NRG1: variants seen among roughly 807,000 people sequenced by gnomAD.
NRG1 encodes the protein pro-neuregulin-1, membrane-bound isoform.
Under a neutral mutation model 63.8 loss-of-function variants are expected in NRG1, and 18 were observed. The ratio of observed to expected loss-of-function variants is 0.28; its 90% confidence interval spans 0.19 to 0.42. The LOEUF is 0.42. NRG1 is among the 10% of genes least tolerant of loss of function. NRG1 has a pLI of 1.00. For missense variants in NRG1, 762 were observed against 814.7 expected (o/e 0.94, Z 0.79); for synonymous variants, 302 against 301.3 (o/e 1.00, Z -0.02).
rs541143421 is a variant in NRG1, at chr8:32,614,155, C to T, written c.401-359C>T. Among the ~76,000 whole-genome samples, 37 of 152,196 alleles carry T rather than the reference C, an allele frequency of 2.4e-4. No homozygotes were observed. The South Asian group carries it at 7.3e-3, about 30-fold the overall frequency. Reference sequence around the variant, plus strand: ...ATCTGTAACTTAAAAATTCTTACTACAGCTTGGCAATCCGATAGCTTTGAC... The same window carrying T: ...ATCTGTAACTTAAAAATTCTTACTATAGCTTGGCAATCCGATAGCTTTGAC... On this transcript the variant is annotated intron_variant, in intron 3 of 11. Transcript: ENST00000356819.
intron 1 of NRG1, among the ~76,000 whole-genome samples, chr8:31,834,272 A>G (rs368376882): frequency 2.1e-5 from 2 of 96,168 alleles, no homozygotes; most frequent in Admixed American, 2.2e-4. Context: ...AATTGGAAAA[A>G]GTAGATCTCC....
At chr8:31,910,933 G>A (rs1364838711) in intron 1 of NRG1, among the ~76,000 whole-genome samples, 1 of 152,116 alleles carries the variant, frequency 6.6e-6, no homozygotes. Flanking sequence ...TTTACAACAG[G>A]ACCAGCCTCA....
intron 1 of NRG1, among the ~76,000 whole-genome samples, chr8:31,915,010 T>A (rs1283574244): frequency 6.6e-6 from 1 of 152,082 alleles, no homozygotes; most frequent in Non-Finnish European, 1.5e-5. Context: ...AATATCAAAA[T>A]CATTTGTTTG....
chr8:32,549,683 T>C (rs564586541), intron 1 of NRG1, among the ~76,000 whole-genome samples: 1 of 152,328 alleles, frequency 6.6e-6, no homozygotes, highest in South Asian at 2.1e-4. Flanking sequence ...AATCTTGTAT[T>C]TCATCATCAG....
intron 1 of NRG1, among the ~76,000 whole-genome samples, chr8:31,905,173 C>T (rs1201333928): frequency 6.6e-6 from 1 of 152,134 alleles, no homozygotes. Context: ...CCAGTTTCCA[C>T]AGCCTTGACT....
intron 1 of NRG1, among the ~76,000 whole-genome samples, chr8:31,881,705 A>G (rs1830359434): frequency 1.3e-5 from 2 of 152,218 alleles, no homozygotes; most frequent in South Asian, 4.1e-4. Context: ...GAATACACAA[A>G]TGATAAGATA....
intron 1 of NRG1, among the ~76,000 whole-genome samples, chr8:32,058,327 A>C (rs1194494283): frequency 2.0e-5 from 3 of 152,088 alleles, no homozygotes; most frequent in African/African-American, 4.8e-5. Flanking sequence ...ATAGCCTATA[A>C]AATAAATAAG....
intron 1 of NRG1, among the ~76,000 whole-genome samples, chr8:32,223,286 T>A (rs1050458841): frequency 7.9e-5 from 12 of 152,258 alleles, no homozygotes; most frequent in Admixed American, 7.2e-4. Flanking sequence ...AGCTGCTACT[T>A]TGTATTTTAT....
At chr8:31,952,649 G>T (rs1803657457) in intron 1 of NRG1, among the ~76,000 whole-genome samples, 1 of 152,204 alleles carries the variant, frequency 6.6e-6, no homozygotes, top group South Asian at 2.1e-4. Context: ...TTTGAAAATT[G>T]CTGTTTGTGT....
At position 32,071,479 on chromosome 8, in the gene NRG1, T is replaced by C. The variant is rs190502283; in HGVS notation, c.37+432048T>C. Reference sequence around the variant, plus strand: ...GCTAGTCTGGTCCTGGCTATCTTCCTATCAGGGATGCATTCCTGTATTGGT... The same window carrying C: ...GCTAGTCTGGTCCTGGCTATCTTCCCATCAGGGATGCATTCCTGTATTGGT... On this transcript the variant is annotated intron_variant, in intron 1 of 10. Coordinates refer to the NRG1 transcript ENST00000519301. Among the ~76,000 whole-genome samples the C allele has an allele frequency of 1.9e-4, 29 of 152,348 alleles. No homozygotes were observed. The East Asian group carries it at 5.0e-3, about 26-fold the overall frequency.
intron 3 of NRG1, among the ~76,000 whole-genome samples, chr8:32,607,876 T>C (rs531868136): frequency 1.3e-5 from 2 of 152,280 alleles, no homozygotes; most frequent in South Asian, 2.1e-4. Flanking sequence ...TATGGACTTA[T>C]GTAATTAAAG....
chr8:32,625,062 A>G lies in NRG1; in HGVS notation c.502+8177A>G, dbSNP rs542037624. On this transcript the variant is annotated intron_variant, in intron 5 of 11. Coordinates refer to ENST00000356819, the Ensembl canonical transcript of NRG1. ...TTGAGGTTTTATCAGACTTATAGAC[A>G]TCACCATTTAAACCTAAACGAAATA... Among the ~76,000 whole-genome samples the G allele has an allele frequency of 3.3e-5, 5 of 152,322 alleles. No individual in the cohort carries two copies. In the East Asian group the frequency reaches 5.8e-4, roughly 18 times the overall value.
intron 1 of NRG1, among the ~76,000 whole-genome samples, chr8:32,192,625 T>C (rs1428383712): frequency 1.3e-5 from 2 of 152,058 alleles, no homozygotes; most frequent in African/African-American, 4.8e-5. Context: ...AAGCTAACTA[T>C]TGGGTACCAT....
chr8:32,159,390 C>T (rs1340971788), intron 1 of NRG1, among the ~76,000 whole-genome samples: 3 of 150,594 alleles, frequency 2.0e-5, no homozygotes, highest in African/African-American at 7.4e-5. Flanking sequence ...AAAAATTAGC[C>T]GGGCGCGGTG....
intron 1 of NRG1, among the ~76,000 whole-genome samples, chr8:31,683,328 G>A (rs1238411280): frequency 6.6e-6 from 1 of 151,984 alleles, no homozygotes; most frequent in Non-Finnish European, 1.5e-5. Flanking sequence ...AAAAAATTGT[G>A]GTACACCTAG....
intron 1 of NRG1, among the ~76,000 whole-genome samples, chr8:32,066,652 T>C (rs4507724): frequency 0.98 from 148,652 of 152,262 alleles, 72,664 homozygotes; most frequent in East Asian, 1. Context: ...TCTGGCTTAG[T>C]GTTGACTTGG....
In NRG1 at chr8:32,259,825, G is replaced by A. The variant is rs925705096; in HGVS notation, c.38-336003G>A. Among the ~76,000 whole-genome samples, 101 of 152,232 alleles carry A rather than the reference G, an allele frequency of 6.6e-4. 1 individual carries two copies. Among genetic ancestry groups the A allele is most frequent in the African/African-American group, 2.2e-3 (90 of 41,544 alleles). On this transcript the variant is annotated intron_variant, in intron 1 of 10. Coordinates refer to the NRG1 transcript ENST00000519301. ...CATAATCACATTCCAAATTACTTAT[G>A]TGGACTTTTATGAGGGCTTTTTTTC... is the stretch of plus-strand genomic sequence containing the variant.
At chr8:32,199,422 T>C (rs1383089826) in intron 1 of NRG1, among the ~76,000 whole-genome samples, 2 of 152,208 alleles carry the variant, frequency 1.3e-5, no homozygotes, top group African/African-American at 4.8e-5. Context: ...GACTTCATCT[T>C]ACAATTACCC....
At chr8:32,062,078 G>A (rs1303918801) in intron 1 of NRG1, among the ~76,000 whole-genome samples, 3 of 152,032 alleles carry the variant, frequency 2.0e-5, no homozygotes, top group Non-Finnish European at 2.9e-5. Context: ...TTCGAGGCAT[G>A]TCAGTTGGAA....
Sources: gnomAD v4.1 joint callset for allele counts (sites outside exome capture counted in the v4.1 genomes callset) on GRCh38, gnomAD v4.1.1 for gene constraint, MANE v1.5 for transcripts, NCBI Gene and HGNC (gene_info 2026-07-23, HGNC 2026-07-21) for gene names.